Variants in GABPB2 observed in about 807,000 individuals in gnomAD.
GABPB2 encodes the protein GA binding protein transcription factor subunit beta 2, also known as GA-binding protein subunit beta-2.
GABPB2 carries 23 observed loss-of-function variants against 39.1 expected under a neutral mutation model. The observed-to-expected ratio is 0.59, with a 90% CI of 0.42 to 0.83. The LOEUF (loss-of-function observed/expected upper bound fraction) is 0.83. Ranked by LOEUF, GABPB2 falls within the 40% of genes least tolerant of loss-of-function variation. The probability of loss-of-function intolerance (pLI) is 0.00; values close to 1 mark genes in which losing one functional copy is unlikely to be tolerated. For missense variants in GABPB2, 467 were observed against 541.1 expected (o/e 0.86, Z 1.36); for synonymous variants, 184 against 199.3 (o/e 0.92, Z 0.65).
At chr1:151,090,663 G>C in intron 3 of GABPB2, 90 bp downstream of exon 3, 1 of 1,298,616 alleles carries the variant, frequency 7.7e-7, no homozygotes, top group South Asian at 1.3e-5. Context: ...AAATGACTTG[G>C]GAATGATTAA....
At chr1:151,117,693 C>T (rs768989328) in intron 8 of GABPB2, among the ~76,000 whole-genome samples, 177 bp downstream of exon 8, 8 of 152,208 alleles carry the variant, frequency 5.3e-5, no homozygotes, top group Admixed American at 2.6e-4. Flanking sequence ...AAGTGATTCT[C>T]ATGCCTCAGC....
At chr1:151,079,911 A>G (rs1054539674) in intron 1 of GABPB2, among the ~76,000 whole-genome samples, 2 of 151,238 alleles carry the variant, frequency 1.3e-5, no homozygotes, top group African/African-American at 4.9e-5. Context: ...ACACAAAATA[A>G]TAACAATAAT....
intron 5 of GABPB2, among the ~76,000 whole-genome samples, chr1:151,098,512 A>AT (rs1413418412): frequency 1.3e-5 from 2 of 152,192 alleles, no homozygotes; most frequent in East Asian, 3.9e-4. Context: ...AAAAAAAAAA[A>AT]AAAAAGGAAA....
chr1:151,077,788 TA>T (rs1677307670), intron 1 of GABPB2, among the ~76,000 whole-genome samples: 2 of 149,608 alleles, frequency 1.3e-5, no homozygotes, highest in Non-Finnish European at 3.0e-5. Context: ...CTGTCTCTAC[TA>T]AAAATACAAA....
At chr1:151,104,806 CTTTCTTTCCTTT>C (rs1679823043) in intron 6 of GABPB2, among the ~76,000 whole-genome samples, 2 of 140,176 alleles carry the variant, frequency 1.4e-5, no homozygotes, top group African/African-American at 2.6e-5. Context: ...TCTTTCTTTT[CTTTCTTTCCTTT>C]CTTTCTTTCT....
At position 151,125,119 on chromosome 1, in the gene GABPB2, T is replaced by C. The variant is rs1013112193; in HGVS notation, c.*6863T>C. 3.9e-5 allele frequency: 6 copies of C among 152,198 alleles called. No homozygotes were observed. Among genetic ancestry groups the C allele is most frequent in the African/African-American group, 1.4e-4 (6 of 41,430 alleles). 9.4% of individuals were successfully genotyped at this position (152,198 alleles called of 1,614,324 possible). A position where few individuals can be genotyped will look rare whatever the true frequency, so the allele number is the denominator to read the frequency against. On this transcript the variant is annotated 3_prime_UTR_variant, in exon 9 of 9. Coordinates refer to ENST00000368918, the MANE Select transcript of GABPB2 (RefSeq NM_144618.3). ...ATATTTTTTGTTTATTCTGAGGTGGTTTGTTTCTGAAAGTTAATCTAGGTC... is the reference window on the plus strand; with the variant it reads ...ATATTTTTTGTTTATTCTGAGGTGGCTTGTTTCTGAAAGTTAATCTAGGTC...
chr1:151,109,655 G>A lies in GABPB2; in HGVS notation c.922+2433G>A, dbSNP rs587734302. On this transcript the variant is annotated intron_variant, in intron 7 of 8. Transcript: ENST00000368918. Reference sequence around the variant, plus strand: ...ATTACAAGCGTGAGCCACCACACCCGGCCTATAGTTTTTTTTTGTTTGTTT... The same window carrying A: ...ATTACAAGCGTGAGCCACCACACCCAGCCTATAGTTTTTTTTTGTTTGTTT... 1.3e-3 allele frequency among the ~76,000 whole-genome samples: 190 copies of A among 151,606 alleles called. 1 individual carries two copies. Among genetic ancestry groups the A allele is most frequent in the African/African-American group, 4.3e-3 (179 of 41,368 alleles).
At chr1:151,103,345 C>T (rs1679691852) in intron 5 of GABPB2, among the ~76,000 whole-genome samples, 1 of 151,804 alleles carries the variant, frequency 6.6e-6, no homozygotes, top group South Asian at 2.1e-4. Flanking sequence ...GGCGCCCGGC[C>T]CTCCAAGTAT....
In GABPB2 at chr1:151,118,289, A is replaced by G; in HGVS notation, c.*33A>G. 1 of 1,559,136 alleles carries G rather than the reference A, an allele frequency of 6.4e-7. No homozygotes were observed. The highest frequency in any genetic ancestry group is 2.3e-5 in the East Asian group (1 of 44,350). Reference sequence around the variant, plus strand: ...GGGCCACAATTTGCACTGTGTTCATATTAATCCTCTTTTAAAAAAGGAAAT... The same window carrying G: ...GGGCCACAATTTGCACTGTGTTCATGTTAATCCTCTTTTAAAAAAGGAAAT... On this transcript the variant is annotated 3_prime_UTR_variant, in exon 9 of 9. Coordinates refer to ENST00000368918, the MANE Select transcript of GABPB2 (RefSeq NM_144618.3).
intron 5 of GABPB2, among the ~76,000 whole-genome samples, chr1:151,100,901 A>G (rs1334486331): frequency 6.6e-6 from 1 of 151,932 alleles, no homozygotes; most frequent in African/African-American, 2.4e-5. Flanking sequence ...ACTTCTTGAA[A>G]GAAGAAAAAC....
At chr1:151,094,249 G>A (rs185992246) in intron 4 of GABPB2, among the ~76,000 whole-genome samples, 1 of 150,900 alleles carries the variant, frequency 6.6e-6, no homozygotes, top group South Asian at 2.1e-4. Flanking sequence ...ACAGGGTTTC[G>A]CCATGTTGCC....
chr1:151,089,823 C>T (rs144301754), intron 2 of GABPB2, among the ~76,000 whole-genome samples: 2 of 152,062 alleles, frequency 1.3e-5, no homozygotes, highest in African/African-American at 2.4e-5. Context: ...ACCTTCTAGA[C>T]GTTGCGTAAA....
intron 4 of GABPB2, 120 bp downstream of exon 4, chr1:151,093,506 C>A: frequency 1.5e-6 from 1 of 656,638 alleles, no homozygotes; most frequent in Non-Finnish European, 2.5e-6. Context: ...TAATATGTCT[C>A]AATCTTGTGA....
chr1:151,087,952 T>A (rs1678342200), intron 1 of GABPB2, among the ~76,000 whole-genome samples: 1 of 152,194 alleles, frequency 6.6e-6, no homozygotes, highest in African/African-American at 2.4e-5. Flanking sequence ...TTGCAGATAT[T>A]TCCAGAGTAT....
At chr1:151,082,388 A>ATTTTTTTTTTTTTTTT (rs1558128810) in intron 1 of GABPB2, among the ~76,000 whole-genome samples, 1 of 124,546 alleles carries the variant, frequency 8.0e-6, no homozygotes, top group African/African-American at 3.1e-5. Context: ...ACAAGTGGTA[A>ATTTTTTTTTTTTTTTT]TTTCTTTTTT....
chr1:151,075,065 A>G lies in GABPB2; in HGVS notation c.-1+4131A>G, dbSNP rs118160554. ...GGTGAGGCAGGAGAATTGCTTGAGC[A>G]TTAGAGGCAGAGGTTGTGGCGAGCC... On this transcript the variant is annotated intron_variant, in intron 1 of 8. Coordinates refer to ENST00000368918, the MANE Select transcript of GABPB2 (RefSeq NM_144618.3). Among the ~76,000 whole-genome samples the G allele has an allele frequency of 2.8e-4, 43 of 151,068 alleles. 1 individual carries two copies. The East Asian group carries it at 8.6e-3, about 30-fold the overall frequency.
rs1681012138 is a variant in GABPB2, at chr1:151,118,006, G to A, written c.1097G>A (p.Arg366Gln). 1.2e-5 allele frequency: 20 copies of A among 1,614,086 alleles called. No individual in the cohort carries two copies. Among genetic ancestry groups the A allele is most frequent in the Non-Finnish European group, 1.6e-5 (19 of 1,179,988 alleles). Residue 366 changes from arginine (R) to glutamine (Q), a missense_variant, in exon 9 of 9, where the codon CGA (arginine) becomes CAA (glutamine). Coordinates refer to ENST00000368918, the MANE Select transcript of GABPB2 (RefSeq NM_144618.3). Reference protein sequence around the residue: ...LLQQQLQEANRRAQEYRHQLL... With the variant: ...LLQQQLQEANQRAQEYRHQLL... ...CAGCAACAACTCCAGGAGGCCAATC[G>A]AAGAGCCCAGGAATACCGACACCAG... is the stretch of plus-strand genomic sequence containing the variant.
rs1205622518 is a variant in GABPB2 at position 151,124,079 on chromosome 1, G to A, written c.*5823G>A. The stretch of plus-strand genomic sequence containing the variant: ...AAAAAAAAAAAAAAAGAGGCCGGGC[G>A]CGGTGGCTCACAAAAAAAAAAAAAA... On this transcript the variant is annotated 3_prime_UTR_variant, in exon 9 of 9. Coordinates refer to ENST00000368918, the MANE Select transcript of GABPB2 (RefSeq NM_144618.3). 6 of 118,008 alleles carry A rather than the reference G, an allele frequency of 5.1e-5. No homozygotes were observed. Among genetic ancestry groups the A allele is most frequent in the Non-Finnish European group, 8.9e-5 (5 of 56,240 alleles). The allele number at this position is 118,008 out of a possible 1,614,324, so 7.3% of individuals were successfully genotyped here.
chr1:151,093,444 G>C (rs976807804), intron 4 of GABPB2, 58 bp downstream of exon 4: 35 of 1,376,244 alleles, frequency 2.5e-5, no homozygotes, highest in Non-Finnish European at 3.3e-5. Context: ...GGATTTTTTT[G>C]TAGGAGCTGA....
Sources: allele counts gnomAD v4.1 joint callset (sites outside exome capture counted in the v4.1 genomes callset), GRCh38; gene constraint gnomAD v4.1.1; transcripts MANE v1.5; gene names NCBI Gene and HGNC (gene_info 2026-07-23, HGNC 2026-07-21).